Variants in TRPM8 observed in about 807,000 individuals in gnomAD.
TRPM8 encodes transient receptor potential cation channel subfamily M member 8.
A neutral mutation model predicts 133.7 loss-of-function variants in TRPM8; 110 were observed. The ratio of observed to expected loss-of-function variants is 0.82; its 90% confidence interval spans 0.70 to 0.96. The LOEUF (loss-of-function observed/expected upper bound fraction) is 0.96. Ranked by LOEUF, TRPM8 falls within the 40% of genes least tolerant of loss-of-function variation. The pLI is 0.00. For missense variants in TRPM8, 1,291 were observed against 1,379.5 expected (o/e 0.94, Z 1.02); for synonymous variants, 535 against 532.3 (o/e 1.01, Z -0.07).
At chr2:233,973,881 G>A (rs749375648) in intron 17 of TRPM8, among the ~76,000 whole-genome samples, 1 of 152,210 alleles carries the variant, frequency 6.6e-6, no homozygotes, top group African/African-American at 2.4e-5. Flanking sequence ...ATCCAGCTAG[G>A]AGCCCTGGAG....
chr2:233,978,455 A>G (rs1169994532), intron 17 of TRPM8, among the ~76,000 whole-genome samples: 4 of 152,170 alleles, frequency 2.6e-5, no homozygotes, highest in African/African-American at 7.2e-5. Flanking sequence ...ATTTCTTACA[A>G]TCTGAGGTTT....
chr2:234,008,241 C>A, intron 24 of TRPM8, 138 bp downstream of exon 24: 1 of 856,580 alleles, frequency 1.2e-6, no homozygotes, highest in African/African-American at 1.7e-5. Flanking sequence ...GAGCAGGGTG[C>A]TGGAATGGTA....
At position 233,985,806 on chromosome 2, in the gene TRPM8, G is replaced by A. The variant is rs1199915150; in HGVS notation, c.2880G>A (p.Val960=). ...RFPEWITIPL[V]CIYMLSTNIL... ...CCGAGTGGATCACCATCCCCCTGGT[G>A]TGCATCTACATGTTATCCACCAACA... Residue 960 remains valine, a synonymous_variant, in exon 21 of 26, where the codon GTG becomes GTA. Coordinates refer to ENST00000324695, the MANE Select transcript of TRPM8 (RefSeq NM_024080.5). 3.1e-6 allele frequency: 5 copies of A among 1,614,110 alleles called. No individual in the cohort carries two copies. In the African/African-American group the frequency reaches 6.7e-5, roughly 22 times the overall value.
rs551476590 is a variant in TRPM8 at position 233,999,931 on chromosome 2, T to G, written c.3130+3415T>G. Among the ~76,000 whole-genome samples the G allele has an allele frequency of 1.7e-4, 26 of 152,282 alleles. No individual in the cohort carries two copies. In the South Asian group the frequency reaches 5.4e-3, roughly 32 times the overall value. The stretch of plus-strand genomic sequence containing the variant: ...AGCAGATCTTTAAGAAAGAGCCTCT[T>G]TAGCATACTCTGCACTTAGCTGATT... On this transcript the variant is annotated intron_variant, in intron 22 of 25. Transcript: ENST00000324695.
intron 17 of TRPM8, among the ~76,000 whole-genome samples, chr2:233,972,415 T>C (rs932892956): frequency 7.2e-5 from 11 of 152,372 alleles, no homozygotes; most frequent in Admixed American, 7.2e-4. Context: ...ACCCAGTGGA[T>C]CCCGCACCGC....
chr2:233,920,808 C>T (rs1691390659), intron 1 of TRPM8, among the ~76,000 whole-genome samples: 1 of 151,792 alleles, frequency 6.6e-6, no homozygotes, highest in Non-Finnish European at 1.5e-5. Context: ...AGATTAATAC[C>T]AGAGAATTGG....
rs536528823 is a variant in TRPM8 at position 233,973,610 on chromosome 2, A to G, written c.2355+3184A>G. On this transcript the variant is annotated intron_variant, in intron 17 of 25. Transcript: ENST00000324695. ...TGCCCCTGTTTCCAAACAATGTCACATGCCAAGGTACTGGGGGCTAGGACT... is the reference window on the plus strand; with the variant it reads ...TGCCCCTGTTTCCAAACAATGTCACGTGCCAAGGTACTGGGGGCTAGGACT... 9.6e-4 allele frequency among the ~76,000 whole-genome samples: 146 copies of G among 152,344 alleles called. 2 individuals are homozygous for G. Among genetic ancestry groups the G allele is most frequent in the South Asian group, 8.9e-3 (43 of 4,832 alleles).
intron 25 of TRPM8, among the ~76,000 whole-genome samples, chr2:234,015,284 C>A (rs546256125): frequency 2.9e-4 from 44 of 151,732 alleles, no homozygotes; most frequent in African/African-American, 1.1e-3. Flanking sequence ...ATCTTGAAAC[C>A]AAATGTTAGG....
At chr2:233,999,148 G>T (rs1183055098) in intron 22 of TRPM8, among the ~76,000 whole-genome samples, 1 of 151,932 alleles carries the variant, frequency 6.6e-6, no homozygotes, top group Non-Finnish European at 1.5e-5. Flanking sequence ...CCCTCCTGGG[G>T]CAGGGCAGGG....
intron 8 of TRPM8, chr2:233,947,663 C>T: frequency 8.4e-7 from 1 of 1,186,648 alleles, no homozygotes; most frequent in Non-Finnish European, 1.1e-6. Context: ...ACCTGCAACA[C>T]TGAGCAACTG....
In TRPM8 at chr2:233,942,733, G is replaced by A. The variant is rs1444896548; in HGVS notation, c.684G>A (p.Arg228=). ...TCTCCAACCGGGACACCCTCATCAG[G>A]AATTGCGATGCTGAGGTACCGGTGG... ...GMVSNRDTLI[R]NCDAEGYFLA... The change falls in exon 6 of 26, where the codon AGG becomes AGA. Residue 228 remains arginine, a synonymous_variant. Transcript: ENST00000324695. The A allele has an allele frequency of 3.1e-6, 5 of 1,614,088 alleles. No individual in the cohort carries two copies. Among genetic ancestry groups the A allele is most frequent in the Non-Finnish European group, 4.2e-6 (5 of 1,180,030 alleles).
intron 11 of TRPM8, among the ~76,000 whole-genome samples, chr2:233,956,006 C>A (rs1014246123): frequency 6.6e-6 from 1 of 152,168 alleles, no homozygotes. Flanking sequence ...ACACTGCCAC[C>A]CATCACCCCC....
intron 11 of TRPM8, 105 bp from the exon 12 acceptor site, chr2:233,960,671 C>T (rs544129079): frequency 5.7e-5 from 48 of 847,222 alleles, no homozygotes; most frequent in Non-Finnish European, 7.9e-5. Context: ...GATATTATTA[C>T]TCTGTGGCTG....
intron 19 of TRPM8, among the ~76,000 whole-genome samples, chr2:233,982,400 A>G (rs897879729): frequency 4.6e-5 from 7 of 152,220 alleles, no homozygotes; most frequent in Non-Finnish European, 8.8e-5. Context: ...AAAGAATTAC[A>G]CATGGATGGT....
chr2:233,971,358 G>T (rs578141419), intron 17 of TRPM8, among the ~76,000 whole-genome samples: 1 of 152,126 alleles, frequency 6.6e-6, no homozygotes, highest in Non-Finnish European at 1.5e-5. Flanking sequence ...ACTTCTAGCC[G>T]TCCTGGGTTG....
intron 21 of TRPM8, among the ~76,000 whole-genome samples, chr2:233,991,884 C>A (rs1057389481): frequency 1.3e-5 from 2 of 152,082 alleles, no homozygotes; most frequent in African/African-American, 2.4e-5. Context: ...TTTCTTCTTT[C>A]TCCTTCCCCC....
At position 234,006,882 on chromosome 2, in the gene TRPM8, G is replaced by A. The variant is rs202108535; in HGVS notation, c.3160G>A (p.Ala1054Thr). ...CFKNEDNETL[A>T]WEGVMKENYL... is the part of the protein sequence containing the mutation. ...CAAAAATGAAGACAATGAGACTCTG[G>A]CATGGGAGGGTGTCATGAAGGAAAA... Residue 1054 changes from alanine (A) to threonine (T), a missense_variant, in exon 23 of 26, where the codon GCA becomes ACA. Around this residue, in one of 2 missense-constraint regions of TRPM8, gnomAD observed 328 missense variants for 410.6 expected, o/e 0.80. Coordinates refer to ENST00000324695, the MANE Select transcript of TRPM8 (RefSeq NM_024080.5). 1.9e-6 allele frequency: 3 copies of A among 1,613,766 alleles called. No individual in the cohort carries two copies. Among genetic ancestry groups the A allele is most frequent in the Non-Finnish European group, 1.7e-6 (2 of 1,179,802 alleles).
intron 18 of TRPM8, 68 bp from the exon 19 acceptor site, chr2:233,981,706 T>C: frequency 6.6e-7 from 1 of 1,510,648 alleles, no homozygotes; most frequent in Middle Eastern, 2.2e-4. Context: ...ATTGGGTTAT[T>C]TTTAGAAACA....
intron 18 of TRPM8, among the ~76,000 whole-genome samples, chr2:233,980,636 G>C (rs1691983048): frequency 6.6e-6 from 1 of 152,212 alleles, no homozygotes; most frequent in African/African-American, 2.4e-5. Flanking sequence ...CCAAAGTGTT[G>C]GGATCACAGA....
Sources: allele counts gnomAD v4.1 joint callset (sites outside exome capture counted in the v4.1 genomes callset), GRCh38; gene constraint gnomAD v4.1.1; regional missense constraint gnomAD v4.1.1; transcripts MANE v1.5; gene names NCBI Gene and HGNC (gene_info 2026-07-23, HGNC 2026-07-21).